Variants in SERGEF observed in about 807,000 individuals in gnomAD.
SERGEF encodes the protein secretion regulating guanine nucleotide exchange factor.
Under a neutral mutation model 50.0 loss-of-function variants are expected in SERGEF, and 51 were observed. That is an observed-to-expected ratio of 1.02 (90% CI 0.81 to 1.29). SERGEF has a LOEUF of 1.29. Among genes scored for constraint, SERGEF ranks in the 50% most tolerant of loss-of-function variants. SERGEF has a pLI of 0.00. For synonymous variants in SERGEF, 205 were observed against 212.4 expected (o/e 0.97, Z 0.30); for missense variants, 521 against 557.0 (o/e 0.94, Z 0.65).
At chr11:17,883,399 T>G (rs1851372283) in intron 9 of SERGEF, among the ~76,000 whole-genome samples, 1 of 152,276 alleles carries the variant, frequency 6.6e-6, no homozygotes, top group South Asian at 2.1e-4. Flanking sequence ...CAGTTGTACC[T>G]GTTTGTAAAA....
At chr11:17,872,732 T>A (rs897732408) in intron 10 of SERGEF, among the ~76,000 whole-genome samples, 3 of 152,170 alleles carry the variant, frequency 2.0e-5, no homozygotes, top group Admixed American at 6.5e-5. Flanking sequence ...AGAAATTACA[T>A]AAATGTCCAT....
intron 9 of SERGEF, 118 bp from the exon 10 acceptor site, chr11:17,878,362 TAGAA>T (rs1851277689): frequency 1.5e-5 from 10 of 688,538 alleles, no homozygotes; most frequent in South Asian, 9.1e-5. Flanking sequence ...AGGAAGGAAA[TAGAA>T]AGAAGCATCA....
chr11:17,937,960 T>G (rs1852486629), intron 9 of SERGEF, among the ~76,000 whole-genome samples: 1 of 152,154 alleles, frequency 6.6e-6, no homozygotes, highest in African/African-American at 2.4e-5. Context: ...ATAAAGCAAG[T>G]AGTCAGTGGC....
intron 10 of SERGEF, among the ~76,000 whole-genome samples, chr11:17,797,607 T>C (rs1177415771): frequency 1.3e-5 from 2 of 152,182 alleles, no homozygotes; most frequent in Non-Finnish European, 2.9e-5. Context: ...TTATGATCTC[T>C]CTCTCCTAAC....
At chr11:17,910,520 C>T (rs965754474) in intron 9 of SERGEF, among the ~76,000 whole-genome samples, 1 of 152,160 alleles carries the variant, frequency 6.6e-6, no homozygotes, top group African/African-American at 2.4e-5. Context: ...TCCTAAAGAG[C>T]TGGGATTATA....
intron 9 of SERGEF, among the ~76,000 whole-genome samples, chr11:17,882,070 A>G (rs761037053): frequency 5.9e-5 from 9 of 152,178 alleles, no homozygotes; most frequent in Non-Finnish European, 1.5e-5. Flanking sequence ...TATGCATGCT[A>G]TGCTCCTTGC....
intron 9 of SERGEF, among the ~76,000 whole-genome samples, chr11:17,947,367 AC>A (rs1193502742): frequency 3.3e-5 from 5 of 152,320 alleles, no homozygotes; most frequent in African/African-American, 1.2e-4. Context: ...CAAAACTCAT[AC>A]TTCCCGCCAC....
In SERGEF at chr11:18,007,942, T is replaced by G; in HGVS notation, c.195A>C (p.Thr65=). 1 of 1,611,256 alleles carries G rather than the reference T, an allele frequency of 6.2e-7. No homozygotes were observed. Among genetic ancestry groups the G allele is most frequent in the Non-Finnish European group, 8.5e-7 (1 of 1,178,664 alleles). ...CTATCTACTTTTGAAGGAAATTACCTGTGACAACTGCAGAGTGGCCCCCTC... is the reference window on the plus strand; with the variant it reads ...CTATCTACTTTTGAAGGAAATTACCGGTGACAACTGCAGAGTGGCCCCCTC... The part of the protein sequence containing the change: ...TGGGGHSAVV[T]DGGDLFVCGL... The change falls in exon 2 of 11, where the codon ACA becomes ACC. Residue 65 remains threonine (T), a splice_region_variant and synonymous_variant. Transcript: ENST00000265965.
At chr11:17,848,081 G>A (rs1850646629) in intron 10 of SERGEF, among the ~76,000 whole-genome samples, 2 of 152,206 alleles carry the variant, frequency 1.3e-5, no homozygotes, top group South Asian at 4.1e-4. Context: ...TATATTGAGT[G>A]ATTATTAAAT....
At chr11:17,811,403 G>C (rs1423974893) in intron 10 of SERGEF, among the ~76,000 whole-genome samples, 1 of 152,188 alleles carries the variant, frequency 6.6e-6, no homozygotes, top group Non-Finnish European at 1.5e-5. Context: ...ATTGCTGATA[G>C]ACTTGTGATG....
intron 9 of SERGEF, among the ~76,000 whole-genome samples, chr11:17,925,738 C>A (rs1852238725): frequency 6.6e-6 from 1 of 151,960 alleles, no homozygotes; most frequent in African/African-American, 2.4e-5. Flanking sequence ...TAATAGATAC[C>A]AAAAATTAAA....
At chr11:17,840,518 G>C (rs1482647980) in intron 10 of SERGEF, among the ~76,000 whole-genome samples, 1 of 152,114 alleles carries the variant, frequency 6.6e-6, no homozygotes, top group Non-Finnish European at 1.5e-5. Flanking sequence ...CTGCTAACCT[G>C]GACACAAAGA....
In SERGEF at chr11:18,013,042, GA is replaced by G. The variant is rs1002927610; in HGVS notation, c.-33del. ...ACGCTCCGCCGGCGCTTCCGGGAGG[GA>G]CGGCACGGGGGCGGCGCCTGCCGGG... On this transcript the variant is annotated 5_prime_UTR_variant, in exon 1 of 11. Coordinates refer to ENST00000265965, the MANE Select transcript of SERGEF (RefSeq NM_012139.4). The surrounding 1 kb of genome is among the most constrained non-coding windows in gnomAD (Gnocchi z 4.3). The G allele has an allele frequency of 5.0e-5, 67 of 1,342,670 alleles. No homozygotes were observed. The highest frequency in any genetic ancestry group is 6.3e-5 in the Non-Finnish European group (67 of 1,055,882). 83.2% of individuals were successfully genotyped at this position (1,342,670 alleles called of 1,614,324 possible).
intron 10 of SERGEF, among the ~76,000 whole-genome samples, chr11:17,831,873 T>C (rs187595815): frequency 1.4e-4 from 21 of 152,318 alleles, no homozygotes; most frequent in Middle Eastern, 3.4e-3. Context: ...ATTAAAGACC[T>C]TGTGCATTAC....
intron 10 of SERGEF, among the ~76,000 whole-genome samples, chr11:17,818,409 C>T (rs527268915): frequency 1.3e-4 from 20 of 152,286 alleles, no homozygotes; most frequent in South Asian, 6.2e-4. Context: ...TAAGTACCTA[C>T]AGTGTGCCGG....
At chr11:17,943,207 A>G (rs981497977) in intron 9 of SERGEF, among the ~76,000 whole-genome samples, 3 of 152,128 alleles carry the variant, frequency 2.0e-5, no homozygotes, top group African/African-American at 4.8e-5. Context: ...CTAGGCCTAA[A>G]GAGTTCTTTG....
intron 9 of SERGEF, among the ~76,000 whole-genome samples, chr11:17,891,781 G>A (rs1851534657): frequency 1.3e-5 from 2 of 152,172 alleles, no homozygotes; most frequent in African/African-American, 2.4e-5. Flanking sequence ...GTAAGGTGGT[G>A]AGCTACTACC....
At chr11:18,000,688 A>G (rs901013650) in intron 4 of SERGEF, 131 bp from the exon 5 acceptor site, 2 of 733,436 alleles carry the variant, frequency 2.7e-6, no homozygotes, top group African/African-American at 3.5e-5. Flanking sequence ...CACTCCCCCC[A>G]ATATTTCCAC....
intron 9 of SERGEF, among the ~76,000 whole-genome samples, chr11:17,909,988 T>C (rs1851918463): frequency 6.6e-6 from 1 of 152,166 alleles, no homozygotes; most frequent in South Asian, 2.1e-4. Flanking sequence ...TCTAGTTCCC[T>C]ATCTCTCATG....
Sources: allele counts gnomAD v4.1 joint callset (sites outside exome capture counted in the v4.1 genomes callset), GRCh38; gene constraint gnomAD v4.1.1; non-coding constraint Gnocchi (gnomAD v3.1); transcripts MANE v1.5; gene names NCBI Gene and HGNC (gene_info 2026-07-23, HGNC 2026-07-21).